The following FHIT variants were observed in gnomAD, a reference collection of about 807,000 sequenced individuals.
FHIT encodes fragile histidine triad diadenosine triphosphatase, also known as bis(5'-adenosyl)-triphosphatase.
FHIT carries 19 observed loss-of-function variants against 17.9 expected under a neutral mutation model. That is an observed-to-expected ratio of 1.06 (90% CI 0.74 to 1.56). The LOEUF is 1.56. Among genes scored for constraint, FHIT ranks in the 40% most tolerant of loss-of-function variants. The pLI is 0.00. For missense variants in FHIT, 248 were observed against 189.2 expected, an observed-to-expected ratio of 1.31 and a Z score of -1.82; for synonymous variants, 81 against 69.7, an observed-to-expected ratio of 1.16 and a Z score of -0.81.
intron 5 of FHIT, among the ~76,000 whole-genome samples, chr3:60,414,578 T>C (rs1702176934): frequency 2.0e-5 from 3 of 152,312 alleles, no homozygotes; most frequent in African/African-American, 7.2e-5. Flanking sequence ...TATCAAGGAA[T>C]ACAAAGAACC....
At chr3:60,282,953 A>G (rs1393489122) in intron 5 of FHIT, among the ~76,000 whole-genome samples, 1 of 152,064 alleles carries the variant, frequency 6.6e-6, no homozygotes, top group Non-Finnish European at 1.5e-5. Flanking sequence ...ACCAGACTGA[A>G]ATAAGTGCAG....
rs529217540 is a variant in FHIT, at chr3:60,728,723, AC to A, written c.-18+93195del. On this transcript the variant is annotated intron_variant, in intron 4 of 9. Transcript: ENST00000492590. ...CACACATACACACACACACACACAC[AC>A]ACACACAATTGGCATGCAACAGTTG... Among the ~76,000 whole-genome samples, 181 of 151,778 alleles carry A rather than the reference AC, an allele frequency of 1.2e-3. 2 individuals are homozygous for A. Among genetic ancestry groups the A allele is most frequent in the Middle Eastern group, 6.8e-3 (2 of 294 alleles).
At chr3:60,479,424 G>A (rs982488358) in intron 5 of FHIT, among the ~76,000 whole-genome samples, 2 of 152,184 alleles carry the variant, frequency 1.3e-5, no homozygotes, top group Non-Finnish European at 2.9e-5. Context: ...CTGGATATAT[G>A]ATGGTGGTCC....
chr3:60,365,120 A>G (rs1035862998), intron 5 of FHIT, among the ~76,000 whole-genome samples: 38 of 149,384 alleles, frequency 2.5e-4, no homozygotes, highest in African/African-American at 9.0e-4. Context: ...CATTATATAT[A>G]TAATACTAAG....
At chr3:60,697,329 G>A (rs2041136851) in intron 4 of FHIT, among the ~76,000 whole-genome samples, 1 of 152,144 alleles carries the variant, frequency 6.6e-6, no homozygotes, top group Non-Finnish European at 1.5e-5. Context: ...GGGGATGCTA[G>A]AAATACAATG....
intron 3 of FHIT, among the ~76,000 whole-genome samples, chr3:60,966,900 T>C (rs894424319): frequency 1.3e-5 from 2 of 152,208 alleles, no homozygotes; most frequent in South Asian, 2.1e-4. Context: ...CTATAAATTG[T>C]ACTCCAAATC....
chr3:60,377,626 C>T (rs868766408), intron 5 of FHIT, among the ~76,000 whole-genome samples: 3 of 150,194 alleles, frequency 2.0e-5, no homozygotes, highest in Admixed American at 6.6e-5. Context: ...GGACTACAGG[C>T]GCCCGCCACC....
chr3:60,494,048 T>G (rs73100293), intron 5 of FHIT, among the ~76,000 whole-genome samples: 8,697 of 152,280 alleles, frequency 0.057, 315 homozygotes, highest in Middle Eastern at 0.092. Flanking sequence ...TACATAAAGT[T>G]GTAATAACAT....
chr3:60,410,982 T>C (rs571231673), intron 5 of FHIT, among the ~76,000 whole-genome samples: 8 of 152,266 alleles, frequency 5.3e-5, no homozygotes, highest in Non-Finnish European at 7.4e-5. Context: ...CTGAGGCAGA[T>C]AGAAAAATTG....
At chr3:59,879,054 T>C (rs1369740783) in intron 8 of FHIT, among the ~76,000 whole-genome samples, 1 of 151,816 alleles carries the variant, frequency 6.6e-6, no homozygotes, top group African/African-American at 2.4e-5. Context: ...TCTATCCAAA[T>C]GAAGAAAAAT....
chr3:60,297,229 G>T (rs966715985), intron 5 of FHIT, among the ~76,000 whole-genome samples: 10 of 151,914 alleles, frequency 6.6e-5, no homozygotes, highest in African/African-American at 2.2e-4. Context: ...GTATCAACTT[G>T]GGAGAACTGA....
In FHIT at chr3:60,713,520, T is replaced by C. The variant is rs868986302; in HGVS notation, c.-18+108399A>G. 5.7e-3 allele frequency among the ~76,000 whole-genome samples: 847 copies of C among 149,898 alleles called. 11 individuals are homozygous for C. The highest frequency in any genetic ancestry group is 0.02 in the African/African-American group (803 of 40,838). ...TTTTTGAAAGGATCAACAAAATTGATAGACCGCTAGCAAGACTAATAAAGA... is the reference window on the plus strand; with the variant it reads ...TTTTTGAAAGGATCAACAAAATTGACAGACCGCTAGCAAGACTAATAAAGA... On this transcript the variant is annotated intron_variant, in intron 4 of 9. Transcript: ENST00000492590.
chr3:60,452,720 G>C (rs1255748759), intron 5 of FHIT, among the ~76,000 whole-genome samples: 4 of 152,172 alleles, frequency 2.6e-5, no homozygotes, highest in Admixed American at 2.0e-4. Flanking sequence ...CTTCAGAGAA[G>C]TGTAAACCTC....
chr3:61,106,157 T>C (rs561236926), intron 2 of FHIT, among the ~76,000 whole-genome samples: 8 of 152,340 alleles, frequency 5.3e-5, no homozygotes, highest in African/African-American at 1.7e-4. Flanking sequence ...AGGCACTTAG[T>C]TGAGGGTCAG....
chr3:60,393,390 AAATT>A (rs1445009815), intron 5 of FHIT, among the ~76,000 whole-genome samples: 3 of 149,838 alleles, frequency 2.0e-5, no homozygotes, highest in Non-Finnish European at 3.0e-5. Context: ...TATTTTTGTA[AAATT>A]ATTTATAATG....
At chr3:60,789,230 C>T (rs554017328) in intron 4 of FHIT, among the ~76,000 whole-genome samples, 22 of 149,936 alleles carry the variant, frequency 1.5e-4, no homozygotes, top group African/African-American at 2.9e-4. Context: ...AACAAGAATA[C>T]GAAGGTTGGC....
intron 2 of FHIT, among the ~76,000 whole-genome samples, chr3:61,096,023 T>A (rs992182054): frequency 2.0e-5 from 3 of 152,214 alleles, no homozygotes; most frequent in African/African-American, 7.2e-5. Context: ...GCACTCTACC[T>A]GACTTGCAGG....
At chr3:60,500,771 T>TAA (rs71092606) in intron 5 of FHIT, among the ~76,000 whole-genome samples, 987 of 64,822 alleles carry the variant, frequency 0.015, 23 homozygotes, top group Non-Finnish European at 0.017. Context: ...AGCATCCATC[T>TAA]AAAAAAAAAA....
rs1553707252 is a variant in FHIT, at chr3:60,188,207, C to CTTTCT, written c.104-174056_104-174055insAGAAA. Among the ~76,000 whole-genome samples, 4 of 125,574 alleles carry CTTTCT rather than the reference C, an allele frequency of 3.2e-5. No homozygotes were observed. In the Admixed American group the frequency reaches 3.3e-4, roughly 10 times the overall value. The allele number at this position is 125,574 out of a possible 152,430, so 82.4% of individuals were successfully genotyped here. A position where few individuals can be genotyped will look rare whatever the true frequency, so the allele number is the denominator to read the frequency against. ...ACTCAGGGATCTTGACAGTTTCTTT[C>CTTTCT]TTTTTTTTTTTTTTTTTTTTACCAT... is the stretch of plus-strand genomic sequence containing the variant. On this transcript the variant is annotated intron_variant, in intron 5 of 9. Transcript: ENST00000492590.
Sources: allele counts gnomAD v4.1 joint callset (sites outside exome capture counted in the v4.1 genomes callset), GRCh38; gene constraint gnomAD v4.1.1; transcripts MANE v1.5; gene names NCBI Gene and HGNC (gene_info 2026-07-23, HGNC 2026-07-21).